NRG1: variants seen among roughly 807,000 people sequenced by gnomAD.
NRG1 encodes the protein neuregulin 1.
NRG1 carries 18 observed loss-of-function variants against 63.8 expected under a neutral mutation model. The observed-to-expected ratio is 0.28, with a 90% CI of 0.19 to 0.42. The LOEUF (loss-of-function observed/expected upper bound fraction) is 0.42, where lower values mean the gene tolerates loss of function less well. Ranked by LOEUF, NRG1 falls within the 10% of genes least tolerant of loss-of-function variation. The pLI is 1.00. For missense variants in NRG1, 762 were observed against 814.7 expected, an observed-to-expected ratio of 0.94 and a Z score of 0.79; for synonymous variants, 302 against 301.3, an observed-to-expected ratio of 1.00 and a Z score of -0.02.
intron 1 of NRG1, among the ~76,000 whole-genome samples, chr8:32,039,150 G>A (rs1209143011): frequency 6.6e-6 from 1 of 152,084 alleles, no homozygotes; most frequent in Non-Finnish European, 1.5e-5. Flanking sequence ...CTAAGTCTCA[G>A]TATTTTTATT....
At chr8:32,366,178 C>T (rs537153706) in intron 1 of NRG1, among the ~76,000 whole-genome samples, 1 of 152,214 alleles carries the variant, frequency 6.6e-6, no homozygotes, top group Admixed American at 6.6e-5. Context: ...TCACCTTGAA[C>T]ATTTATTATT....
chr8:31,690,409 A>G (rs1045647422), intron 1 of NRG1, among the ~76,000 whole-genome samples: 4 of 152,220 alleles, frequency 2.6e-5, no homozygotes, highest in Admixed American at 2.0e-4. Context: ...GGAGTTAGTC[A>G]TGTGGGCAAC....
intron 1 of NRG1, among the ~76,000 whole-genome samples, chr8:31,993,355 A>G (rs1337685018): frequency 6.6e-6 from 1 of 151,848 alleles, no homozygotes; most frequent in African/African-American, 2.4e-5. Context: ...GCTTTGTTTC[A>G]TTCTTGGACT....
intron 1 of NRG1, among the ~76,000 whole-genome samples, chr8:31,898,017 C>CAAAA (rs34246447): frequency 1.6e-5 from 2 of 125,894 alleles, no homozygotes; most frequent in South Asian, 2.5e-4. Context: ...AATTCTATCT[C>CAAAA]AAAAAAAAAA....
intron 1 of NRG1, among the ~76,000 whole-genome samples, chr8:32,491,465 A>G (rs1320994174): frequency 1.3e-5 from 2 of 152,190 alleles, no homozygotes; most frequent in Non-Finnish European, 2.9e-5. Flanking sequence ...GGGAACAAGC[A>G]GATTAATTTG....
intron 2 of NRG1, among the ~76,000 whole-genome samples, chr8:32,596,294 T>C (rs937212199): frequency 1.3e-5 from 2 of 152,084 alleles, no homozygotes; most frequent in African/African-American, 4.8e-5. Flanking sequence ...GATGCTGTCA[T>C]AGTAATAGAT....
rs528761804 is a variant in NRG1 at position 32,341,419 on chromosome 8, A to G, written c.38-254409A>G. Among the ~76,000 whole-genome samples, 3 of 152,308 alleles carry G rather than the reference A, an allele frequency of 2.0e-5. No individual in the cohort carries two copies. The East Asian group carries it at 5.8e-4, about 29-fold the overall frequency. ...GGTCAGCTCGTGGCTGAAATTTTTT[A>G]TGTCATCCCCTGGTTCTACAGAAGA... is the stretch of plus-strand genomic sequence containing the variant. On this transcript the variant is annotated intron_variant, in intron 1 of 10. Coordinates refer to the NRG1 transcript ENST00000519301.
chr8:31,678,558 C>A (rs577252494), intron 1 of NRG1, among the ~76,000 whole-genome samples: 1 of 151,518 alleles, frequency 6.6e-6, no homozygotes, highest in South Asian at 2.1e-4. Flanking sequence ...ACGCTTTTTC[C>A]ATATATATTT....
At chr8:32,322,355 T>TTTTA (rs1554507854) in intron 1 of NRG1, among the ~76,000 whole-genome samples, 2 of 142,664 alleles carry the variant, frequency 1.4e-5, no homozygotes, top group South Asian at 2.2e-4. Flanking sequence ...CAACCTTATT[T>TTTTA]TATATATATA....
At chr8:32,469,859 T>C (rs908547661) in intron 1 of NRG1, among the ~76,000 whole-genome samples, 5 of 152,062 alleles carry the variant, frequency 3.3e-5, no homozygotes, top group African/African-American at 9.7e-5. Context: ...AAAGGACTTT[T>C]TTGTTTGTTT....
At chr8:32,089,063 G>A (rs1828709683) in intron 1 of NRG1, among the ~76,000 whole-genome samples, 2 of 152,124 alleles carry the variant, frequency 1.3e-5, no homozygotes, top group Admixed American at 6.6e-5. Flanking sequence ...GGTGTGAAAA[G>A]GTATGTGTGT....
intron 1 of NRG1, among the ~76,000 whole-genome samples, chr8:32,451,952 A>T (rs4733337): frequency 0.75 from 114,028 of 151,888 alleles, 43,099 homozygotes; most frequent in East Asian, 0.89. Context: ...CAGCCTCCCA[A>T]GTAGCAGGGA....
chr8:32,705,154 A>T (rs945477317), intron 5 of NRG1, among the ~76,000 whole-genome samples: 9 of 143,262 alleles, frequency 6.3e-5, no homozygotes, highest in Non-Finnish European at 1.4e-4. Context: ...TTTTTTTGAG[A>T]CGGAGTCTCG....
chr8:32,683,886 T>TTA (rs1563939414), intron 5 of NRG1, among the ~76,000 whole-genome samples: 2 of 132,678 alleles, frequency 1.5e-5, no homozygotes. Flanking sequence ...ATTTGCTTCT[T>TTA]GAAAAAAAAA....
intron 1 of NRG1, among the ~76,000 whole-genome samples, chr8:31,708,517 C>T (rs1585817427): frequency 6.8e-6 from 1 of 146,800 alleles, no homozygotes; most frequent in East Asian, 2.1e-4. Context: ...GGGATCTCGG[C>T]TCACTGCAAG....
chr8:32,240,454 C>G (rs1252374586), intron 1 of NRG1, among the ~76,000 whole-genome samples: 1 of 151,968 alleles, frequency 6.6e-6, no homozygotes, highest in Non-Finnish European at 1.5e-5. Context: ...GCCAGGGATC[C>G]TGGTGAGGAA....
At chr8:32,386,132 C>T (rs1251787060) in intron 1 of NRG1, among the ~76,000 whole-genome samples, 1 of 152,158 alleles carries the variant, frequency 6.6e-6, no homozygotes, top group Non-Finnish European at 1.5e-5. Flanking sequence ...GACAGAGTCT[C>T]ACTCTGTTGC....
At chr8:32,690,938 A>AGTGTGTGTGTGTGTGTGTGT (rs113081002) in intron 5 of NRG1, among the ~76,000 whole-genome samples, 3 of 131,086 alleles carry the variant, frequency 2.3e-5, no homozygotes, top group African/African-American at 8.3e-5. Flanking sequence ...TTTCCCTCTC[A>AGTGTGTGTGTGTGTGTGTGT]GTGTGTGTGT....
At chr8:32,315,996 T>C (rs2129476282) in intron 1 of NRG1, among the ~76,000 whole-genome samples, 1 of 144,944 alleles carries the variant, frequency 6.9e-6, no homozygotes, top group African/African-American at 2.9e-5. Context: ...TCTTCCCAAC[T>C]GAAAGGAGAC....
Sources: allele counts gnomAD v4.1 joint callset (sites outside exome capture counted in the v4.1 genomes callset), GRCh38; gene constraint gnomAD v4.1.1; transcripts MANE v1.5; gene names NCBI Gene and HGNC (gene_info 2026-07-23, HGNC 2026-07-21).